Variants in SLIT1 observed in about 807,000 individuals in gnomAD.
SLIT1 encodes the protein slit homolog 1 protein.
Under a neutral mutation model 186.1 loss-of-function variants are expected in SLIT1, and 66 were observed. The observed-to-expected ratio is 0.35, with a 90% CI of 0.29 to 0.44. The LOEUF is 0.44. Among genes scored for constraint, SLIT1 ranks in the 20% least tolerant of loss-of-function variants. SLIT1 has a pLI of 1.00. For synonymous variants in SLIT1, 761 were observed against 833.8 expected (o/e 0.91, Z 1.50); for missense variants, 1,638 against 2,037.4 (o/e 0.80, Z 3.77).
chr10:97,021,301 T>C lies in SLIT1; in HGVS notation c.2695A>G (p.Met899Val), dbSNP rs766799123. 1.9e-6 allele frequency: 3 copies of C among 1,614,196 alleles called. No individual in the cohort carries two copies. The highest frequency in any genetic ancestry group is 1.7e-6 in the Non-Finnish European group (2 of 1,180,012). ...GIARCAGPQD[M>V]EGKLLLTTPA... ...GTGGTGAGGAGCAGCTTGCCCTCCA[T>C]GTCCTGGGGCCCAGCACAACGAGCA... Residue 899 changes from methionine (M) to valine (V), a missense_variant, in exon 26 of 37, where the codon ATG (methionine) becomes GTG (valine). Physicochemically the swap from Met to Val is conservative, Grantham distance 21. Coordinates refer to ENST00000266058, the MANE Select transcript of SLIT1 (RefSeq NM_003061.3). The surrounding 1 kb of genome is among the most constrained non-coding windows in gnomAD (Gnocchi z 4.5).
chr10:97,119,913 GTATATATATATATATATA>G lies in SLIT1; in HGVS notation c.413+37887_413+37904del, dbSNP rs55656011. 6.4e-4 allele frequency among the ~76,000 whole-genome samples: 36 copies of G among 56,510 alleles called. 1 individual carries two copies. Among genetic ancestry groups the G allele is most frequent in the Admixed American group, 1.1e-3 (4 of 3,654 alleles). 37.1% of individuals were successfully genotyped at this position (56,510 alleles called of 152,430 possible). On this transcript the variant is annotated intron_variant, in intron 4 of 36. Coordinates refer to ENST00000266058, the MANE Select transcript of SLIT1 (RefSeq NM_003061.3). ...AAATACATATTTTTTTTCCAAAGGG[GTATATATATATATATATA>G]TATATATATATATATGTATATGTAT...
intron 23 of SLIT1, among the ~76,000 whole-genome samples, chr10:97,033,884 A>G (rs1214827075): frequency 8.0e-6 from 1 of 125,204 alleles, no homozygotes; most frequent in East Asian, 2.4e-4. Flanking sequence ...TTTTTTTCTG[A>G]GACAGAGTCT....
At chr10:97,171,733 C>T (rs1043479622) in intron 1 of SLIT1, among the ~76,000 whole-genome samples, 2 of 151,940 alleles carry the variant, frequency 1.3e-5, no homozygotes, top group Non-Finnish European at 2.9e-5. Flanking sequence ...ACAGGAAAAT[C>T]GCTTGAACCC....
intron 4 of SLIT1, among the ~76,000 whole-genome samples, chr10:97,080,034 T>G (rs148667925): frequency 2.3e-4 from 35 of 151,916 alleles, no homozygotes; most frequent in African/African-American, 8.2e-4. Flanking sequence ...AAAACAGAAA[T>G]CAAAGAAGTA....
chr10:97,021,036 C>T lies in SLIT1; in HGVS notation c.2746+214G>A, dbSNP rs74153746. On this transcript the variant is annotated intron_variant, in intron 26 of 36. Coordinates refer to ENST00000266058, the MANE Select transcript of SLIT1 (RefSeq NM_003061.3). The surrounding 1 kb of genome is among the most constrained non-coding windows in gnomAD (Gnocchi z 4.5). ...CTTATGTAACCACAGGGAGGGATTA[C>T]GGCCCTGACGGCCTGGGATTTTTCT... 0.016 allele frequency among the ~76,000 whole-genome samples: 2,365 copies of T among 152,358 alleles called. 58 individuals carry two copies. The highest frequency in any genetic ancestry group is 0.05 in the African/African-American group (2,093 of 41,588).
At chr10:97,077,380 C>G (rs1032450106) in intron 4 of SLIT1, among the ~76,000 whole-genome samples, 4 of 152,180 alleles carry the variant, frequency 2.6e-5, no homozygotes, top group African/African-American at 9.6e-5. Flanking sequence ...ATCCTGGGTG[C>G]TCTCCTGCTC....
At chr10:97,066,154 T>C (rs994930397) in intron 4 of SLIT1, 68 bp from the exon 5 acceptor site, 2 of 1,298,746 alleles carry the variant, frequency 1.5e-6, no homozygotes, top group Admixed American at 2.0e-5. Flanking sequence ...AGTGCTGTGA[T>C]AAGTCAGGGA....
intron 3 of SLIT1, among the ~76,000 whole-genome samples, chr10:97,159,345 G>A (rs1849995842): frequency 6.6e-6 from 1 of 152,180 alleles, no homozygotes; most frequent in Admixed American, 6.5e-5. Flanking sequence ...TTACTTTTAA[G>A]GGCAGGCTCC....
chr10:97,072,419 C>A (rs1179681368), intron 4 of SLIT1, among the ~76,000 whole-genome samples: 2 of 152,202 alleles, frequency 1.3e-5, no homozygotes, highest in Non-Finnish European at 2.9e-5. Context: ...CCTCCTCAGC[C>A]TCCCAAGTAG....
chr10:97,060,486 G>A (rs557742182), intron 9 of SLIT1, among the ~76,000 whole-genome samples, 154 bp downstream of exon 9: 60 of 152,364 alleles, frequency 3.9e-4, no homozygotes, highest in African/African-American at 1.4e-3. Flanking sequence ...TGGACACAAA[G>A]CTCAGCCCAG....
chr10:97,149,528 T>C (rs535263848), intron 4 of SLIT1, among the ~76,000 whole-genome samples: 2 of 152,244 alleles, frequency 1.3e-5, no homozygotes, highest in African/African-American at 4.8e-5. Context: ...TCACCATGCC[T>C]GACGGGGAGC....
At chr10:97,148,276 C>G (rs1849838513) in intron 4 of SLIT1, among the ~76,000 whole-genome samples, 1 of 151,488 alleles carries the variant, frequency 6.6e-6, no homozygotes, top group East Asian at 1.9e-4. Flanking sequence ...TTACATATTG[C>G]TTTAGTACTA....
intron 4 of SLIT1, among the ~76,000 whole-genome samples, chr10:97,100,806 C>T (rs912044157): frequency 3.9e-5 from 6 of 152,330 alleles, no homozygotes; most frequent in African/African-American, 1.4e-4. Flanking sequence ...CACTGCCACC[C>T]GTTGGTACGC....
chr10:97,176,246 T>C (rs982160462), intron 1 of SLIT1, among the ~76,000 whole-genome samples: 2 of 152,128 alleles, frequency 1.3e-5, no homozygotes, highest in Non-Finnish European at 2.9e-5. Context: ...AGGAGTGTTA[T>C]GAGGAGTAAA....
chr10:97,031,752 G>A (rs1848593208), intron 23 of SLIT1, 75 bp from the exon 24 acceptor site: 15 of 1,201,232 alleles, frequency 1.2e-5, no homozygotes, highest in Admixed American at 2.1e-5. Context: ...CGCCCAGGAC[G>A]TGGAGGTCCC....
chr10:97,133,254 T>C (rs1359935035), intron 4 of SLIT1, among the ~76,000 whole-genome samples: 1 of 152,144 alleles, frequency 6.6e-6, no homozygotes, highest in Non-Finnish European at 1.5e-5. Context: ...AAGCCAGTCA[T>C]AAAAAGATAC....
chr10:97,049,318 C>T (rs1848767280), intron 13 of SLIT1, among the ~76,000 whole-genome samples, 200 bp from the exon 14 acceptor site: 4 of 152,186 alleles, frequency 2.6e-5, no homozygotes, highest in Admixed American at 1.3e-4. Flanking sequence ...CCTGCCAGCG[C>T]ACTACAGGTG....
chr10:97,017,761 G>C (rs1407381007), intron 28 of SLIT1, among the ~76,000 whole-genome samples: 1 of 152,226 alleles, frequency 6.6e-6, no homozygotes, highest in Non-Finnish European at 1.5e-5. Flanking sequence ...GAGGAGGCTG[G>C]CCAGGGCCCT....
chr10:97,179,365 G>A (rs1182132975), intron 1 of SLIT1, among the ~76,000 whole-genome samples: 2 of 152,170 alleles, frequency 1.3e-5, no homozygotes, highest in Non-Finnish European at 1.5e-5. Flanking sequence ...AGGCTGAGTG[G>A]GAGGATCACT....
Sources: allele counts gnomAD v4.1 joint callset (sites outside exome capture counted in the v4.1 genomes callset), GRCh38; gene constraint gnomAD v4.1.1; non-coding constraint Gnocchi (gnomAD v3.1); transcripts MANE v1.5; gene names NCBI Gene and HGNC (gene_info 2026-07-23, HGNC 2026-07-21).